PRKAG2: variants seen among roughly 807,000 people sequenced by gnomAD.
PRKAG2 encodes the protein protein kinase AMP-activated non-catalytic subunit gamma 2.
In PRKAG2, 26 loss-of-function variants were observed where a neutral mutation model predicts 69.6. The ratio of observed to expected loss-of-function variants is 0.37; its 90% CI spans 0.27 to 0.52. The LOEUF is 0.52. Ranked by LOEUF, PRKAG2 falls within the 20% of genes least tolerant of loss-of-function variation. The pLI is 0.90. For missense variants in PRKAG2, 557 were observed against 740.0 expected, an observed-to-expected ratio of 0.75 and a Z score of 2.87; for synonymous variants, 293 against 285.0, an observed-to-expected ratio of 1.03 and a Z score of -0.28.
chr7:151,692,146 C>T (rs1835761326), intron 3 of PRKAG2, among the ~76,000 whole-genome samples: 1 of 151,924 alleles, frequency 6.6e-6, no homozygotes, highest in Non-Finnish European at 1.5e-5. Flanking sequence ...CATGACTGCG[C>T]CACAGCACTA....
At chr7:151,669,909 T>TACCTGCACGCACACAC (rs1831658760) in intron 4 of PRKAG2, among the ~76,000 whole-genome samples, 2 of 131,378 alleles carry the variant, frequency 1.5e-5, no homozygotes, top group Admixed American at 7.5e-5. Context: ...TGCATGCACA[T>TACCTGCACGCACACAC]ACCTGCATGC....
intron 3 of PRKAG2, among the ~76,000 whole-genome samples, chr7:151,706,784 C>T (rs542601716): frequency 2.1e-4 from 32 of 152,350 alleles, no homozygotes; most frequent in African/African-American, 3.4e-4. Flanking sequence ...GTCTAGAATA[C>T]GTTCCGGCAA....
At chr7:151,674,583 T>C (rs1189557546) in intron 4 of PRKAG2, among the ~76,000 whole-genome samples, 1 of 152,144 alleles carries the variant, frequency 6.6e-6, no homozygotes, top group Admixed American at 6.5e-5. Flanking sequence ...AGTGCTTAAG[T>C]GCTTAGTGAA....
At chr7:151,643,203 A>C (rs1180570624) in intron 4 of PRKAG2, among the ~76,000 whole-genome samples, 2 of 152,124 alleles carry the variant, frequency 1.3e-5, no homozygotes, top group African/African-American at 4.8e-5. Context: ...TAGGTTGATA[A>C]CTCTTAGTAT....
chr7:151,766,576 C>T (rs1487003520), intron 3 of PRKAG2, among the ~76,000 whole-genome samples: 1 of 152,232 alleles, frequency 6.6e-6, no homozygotes. Flanking sequence ...GGAACACTGG[C>T]TCAGGCCACT....
intron 1 of PRKAG2, among the ~76,000 whole-genome samples, chr7:151,822,695 C>G (rs918683721): frequency 2.6e-5 from 4 of 152,096 alleles, no homozygotes; most frequent in Non-Finnish European, 5.9e-5. Flanking sequence ...CAGCGTCTTC[C>G]CAAGCTCTGA....
At chr7:151,676,145 G>A (rs1222658809) in intron 3 of PRKAG2, among the ~76,000 whole-genome samples, 1 of 151,698 alleles carries the variant, frequency 6.6e-6, no homozygotes, top group African/African-American at 2.4e-5. Flanking sequence ...AAACGCAGTG[G>A]TGCCTTATTT....
chr7:151,565,724 C>G lies in PRKAG2; in HGVS notation c.1395G>C (p.Glu465Asp), dbSNP rs756252375. The change falls in exon 12 of 16, where the codon GAG (glutamate) becomes GAC (aspartate). Residue 465 changes from glutamate (E) to aspartate (D), a missense_variant. Transcript: ENST00000287878. The part of the protein sequence containing the change: ...RRISALPVVD[E>D]SGKVVDIYSK... The stretch of plus-strand genomic sequence containing the variant: ...GTCAGCGCCAAACACACAAACCTGA[C>G]TCATCCACAACAGGCAGAGCTGATA... 13 of 1,613,410 alleles carry G rather than the reference C, an allele frequency of 8.1e-6. No homozygotes were observed. The highest frequency in any genetic ancestry group is 1.1e-5 in the Non-Finnish European group (13 of 1,179,364).
intron 5 of PRKAG2, among the ~76,000 whole-genome samples, chr7:151,616,456 C>T (rs760517309): frequency 2.6e-5 from 4 of 152,218 alleles, no homozygotes; most frequent in African/African-American, 9.6e-5. Flanking sequence ...CCCACTCAGA[C>T]GGACAGAGCA....
intron 15 of PRKAG2, 108 bp from the exon 16 acceptor site, chr7:151,557,340 A>G: frequency 6.2e-7 from 1 of 1,609,204 alleles, no homozygotes; most frequent in Non-Finnish European, 8.5e-7. Context: ...GATGATCCAG[A>G]GGCTTCGGAG....
At chr7:151,808,021 G>T (rs921906582) in intron 1 of PRKAG2, among the ~76,000 whole-genome samples, 5 of 152,110 alleles carry the variant, frequency 3.3e-5, no homozygotes, top group Non-Finnish European at 5.9e-5. Flanking sequence ...GTGAGCACAG[G>T]GACCGCCCCG....
chr7:151,831,916 G>A (rs897930200), intron 1 of PRKAG2, among the ~76,000 whole-genome samples: 1 of 152,150 alleles, frequency 6.6e-6, no homozygotes, highest in Non-Finnish European at 1.5e-5. Flanking sequence ...ACCGAGACGG[G>A]AGAGAGGGGC....
At chr7:151,726,456 T>TAC (rs1797992684) in intron 3 of PRKAG2, among the ~76,000 whole-genome samples, 1 of 151,684 alleles carries the variant, frequency 6.6e-6, no homozygotes, top group Non-Finnish European at 1.5e-5. Context: ...GTGCGTACCC[T>TAC]ACTACCAGTA....
At chr7:151,633,862 T>C (rs1825273522) in intron 4 of PRKAG2, among the ~76,000 whole-genome samples, 1 of 152,226 alleles carries the variant, frequency 6.6e-6, no homozygotes, top group Non-Finnish European at 1.5e-5. Context: ...TTAGGGTTTT[T>C]TTTAAAGACA....
intron 3 of PRKAG2, among the ~76,000 whole-genome samples, chr7:151,679,119 C>T (rs1833422262): frequency 6.6e-6 from 1 of 152,068 alleles, no homozygotes; most frequent in African/African-American, 2.4e-5. Flanking sequence ...GGGGGTGTGT[C>T]AGCAGGCAGG....
rs116550844 is a variant in PRKAG2 at position 151,686,496 on chromosome 7, G to A, written c.467-10859C>T. Reference sequence around the variant, plus strand: ...GCCAAGGTCAGCCTCATGCAGAAACGCCCTGGAATGATGCCTCGTCCCCGG... The same window carrying A: ...GCCAAGGTCAGCCTCATGCAGAAACACCCTGGAATGATGCCTCGTCCCCGG... On this transcript the variant is annotated intron_variant, in intron 3 of 15. Transcript: ENST00000287878. Among the ~76,000 whole-genome samples the A allele has an allele frequency of 5.8e-3, 883 of 152,210 alleles. 10 individuals are homozygous for A. Among genetic ancestry groups the A allele is most frequent in the African/African-American group, 0.02 (840 of 41,526 alleles).
Position 151,567,120 on chromosome 7 carries a change from CG to C in PRKAG2, c.1234-1236del, listed in dbSNP as rs1806436249. On this transcript the variant is annotated intron_variant, in intron 11 of 15. Coordinates refer to ENST00000287878, the MANE Select transcript of PRKAG2 (RefSeq NM_016203.4). This position sits in a 1 kb window ranked among gnomAD's most constrained non-coding sequence, Gnocchi z 4.2. ...TGGGCTTGGGAGTCAGAGAGACTCCCGGGTTTGCAATCTACCACTTAGTATC... is the reference window on the plus strand; with the variant it reads ...TGGGCTTGGGAGTCAGAGAGACTCCCGGTTTGCAATCTACCACTTAGTATC... Among the ~76,000 whole-genome samples the C allele has an allele frequency of 6.6e-6, 1 of 152,140 alleles. No individual in the cohort carries two copies. The highest frequency in any genetic ancestry group is 2.1e-4 in the South Asian group (1 of 4,826).
chr7:151,863,164 G>A (rs2079979052), intron 1 of PRKAG2, among the ~76,000 whole-genome samples: 1 of 151,460 alleles, frequency 6.6e-6, no homozygotes, highest in Non-Finnish European at 1.5e-5. Context: ...GGTACAGGGG[G>A]CGCTGGTAGA....
chr7:151,593,993 G>A (rs1211549156), intron 6 of PRKAG2, among the ~76,000 whole-genome samples: 3 of 152,328 alleles, frequency 2.0e-5, no homozygotes, highest in East Asian at 1.9e-4. Context: ...CTCTGAGGAC[G>A]CACGGCAGGT....
Sources: gnomAD v4.1 joint callset for allele counts (sites outside exome capture counted in the v4.1 genomes callset) on GRCh38, gnomAD v4.1.1 for gene constraint, Gnocchi (gnomAD v3.1) non-coding constraint, MANE v1.5 for transcripts, NCBI Gene and HGNC (gene_info 2026-07-23, HGNC 2026-07-21) for gene names.